CNST: variants seen among roughly 807,000 people sequenced by gnomAD.
The protein encoded by CNST is consortin.
CNST carries 39 observed loss-of-function variants against 72.4 expected under a neutral mutation model. That is an observed-to-expected ratio of 0.54 (90% CI 0.42 to 0.70). CNST has a LOEUF of 0.70. CNST is among the 30% of genes least tolerant of loss of function. The probability of loss-of-function intolerance (pLI) is 0.00; values close to 1 mark genes in which losing one functional copy is unlikely to be tolerated. For synonymous variants in CNST, 332 were observed against 320.1 expected, an observed-to-expected ratio of 1.04 and a Z score of -0.40; for missense variants, 871 against 868.5, an observed-to-expected ratio of 1.00 and a Z score of -0.04.
intron 4 of CNST, among the ~76,000 whole-genome samples, chr1:246,633,632 A>G (rs1167291325): frequency 6.6e-6 from 1 of 151,668 alleles, no homozygotes; most frequent in Non-Finnish European, 1.5e-5. Flanking sequence ...AGTCTCAGCT[A>G]CCTGGGAGGC....
chr1:246,654,796 C>A (rs926416818), intron 9 of CNST, among the ~76,000 whole-genome samples: 5 of 148,914 alleles, frequency 3.4e-5, no homozygotes, highest in African/African-American at 1.2e-4. Context: ...TTGCTAGGTG[C>A]TATCTATATG....
chr1:246,614,061 T>C (rs149631037), intron 2 of CNST, among the ~76,000 whole-genome samples: 159 of 152,148 alleles, frequency 1.0e-3, no homozygotes, highest in African/African-American at 3.7e-3. Context: ...TATGCATCAG[T>C]AACACTACAG....
At chr1:246,645,025 G>A (rs1181853570) in intron 8 of CNST, among the ~76,000 whole-genome samples, 1 of 152,198 alleles carries the variant, frequency 6.6e-6, no homozygotes, top group Non-Finnish European at 1.5e-5. Context: ...GAGAGAGAAG[G>A]AAGGCTGTAT....
intron 1 of CNST, among the ~76,000 whole-genome samples, chr1:246,589,689 T>A (rs1367816106): frequency 6.6e-6 from 1 of 152,234 alleles, no homozygotes; most frequent in African/African-American, 2.4e-5. Flanking sequence ...GGAATTGCCA[T>A]ACTGTCTTCC....
intron 9 of CNST, among the ~76,000 whole-genome samples, chr1:246,659,738 G>A (rs775214928): frequency 6.6e-5 from 10 of 152,126 alleles, no homozygotes; most frequent in Non-Finnish European, 1.3e-4. Context: ...TAAAAGCTTG[G>A]TATCTAAATA....
chr1:246,581,681 C>A (rs1411951367), intron 1 of CNST, among the ~76,000 whole-genome samples: 1 of 152,246 alleles, frequency 6.6e-6, no homozygotes, highest in Non-Finnish European at 1.5e-5. Flanking sequence ...TTTACATTTT[C>A]CATTTCTTAT....
intron 8 of CNST, 31 bp from the exon 9 acceptor site, chr1:246,647,108 T>A (rs1412806353): frequency 6.3e-7 from 1 of 1,577,244 alleles, no homozygotes; most frequent in Admixed American, 1.9e-5. Context: ...TTGTTTTGAA[T>A]TTTTAACAAT....
At chr1:246,580,574 G>A (rs1174355485) in intron 1 of CNST, among the ~76,000 whole-genome samples, 1 of 152,066 alleles carries the variant, frequency 6.6e-6, no homozygotes, top group Non-Finnish European at 1.5e-5. Context: ...AACTTCCACA[G>A]TACTTTGTTC....
intron 3 of CNST, among the ~76,000 whole-genome samples, chr1:246,625,606 G>C (rs1664373306): frequency 6.6e-6 from 1 of 151,452 alleles, no homozygotes; most frequent in African/African-American, 2.4e-5. Context: ...ATTTTTAGTA[G>C]AGACAAGGTT....
chr1:246,647,916 A>G lies in CNST; in HGVS notation c.1715A>G (p.Asp572Gly), dbSNP rs767432925. ...SLSYEDNQDD[D>G]SDLLQDLSPE... ...TCCTATGAAGATAACCAAGACGACG[A>G]CTCCGATCTCCTTCAAGATCTCTCT... Residue 572 changes from aspartate to glycine, a missense_variant, in exon 9 of 11, where the codon GAC becomes GGC. Coordinates refer to ENST00000366513, the MANE Select transcript of CNST (RefSeq NM_152609.3). 1 of 1,613,652 alleles carries G rather than the reference A, an allele frequency of 6.2e-7. No individual in the cohort carries two copies. The highest frequency in any genetic ancestry group is 1.1e-5 in the South Asian group (1 of 91,070).
At position 246,612,358 on chromosome 1, in the gene CNST, C is replaced by T. The variant is rs184708942; in HGVS notation, c.380-9071C>T. The stretch of plus-strand genomic sequence containing the variant: ...CTGGGATTACAGGTGCATGCTACCA[C>T]GCCGAGCTAATTTTTTGTACTTTTA... On this transcript the variant is annotated intron_variant, in intron 2 of 10. Coordinates refer to ENST00000366513, the MANE Select transcript of CNST (RefSeq NM_152609.3). Among the ~76,000 whole-genome samples, 23 of 152,120 alleles carry T rather than the reference C, an allele frequency of 1.5e-4. No homozygotes were observed. The East Asian group carries it at 4.1e-3, about 27-fold the overall frequency.
At chr1:246,604,279 T>C (rs577016628) in intron 2 of CNST, among the ~76,000 whole-genome samples, 30 of 151,922 alleles carry the variant, frequency 2.0e-4, no homozygotes, top group Non-Finnish European at 4.1e-4. Flanking sequence ...AAAAGGGGCT[T>C]GGTGATAGTT....
chr1:246,580,317 A>G (rs1322880850), intron 1 of CNST, among the ~76,000 whole-genome samples: 1 of 152,244 alleles, frequency 6.6e-6, no homozygotes, highest in African/African-American at 2.4e-5. Context: ...ATTTGTGGTC[A>G]GAAATTAAAT....
intron 1 of CNST, among the ~76,000 whole-genome samples, chr1:246,586,552 T>C (rs1661214592): frequency 6.6e-6 from 1 of 151,356 alleles, no homozygotes; most frequent in South Asian, 2.1e-4. Context: ...CTCTTGCATG[T>C]TAGTCCCTCT....
At chr1:246,602,698 AGGAATCACGGGGGCCCATCTTAAAGGAT>A (rs1662372968) in intron 2 of CNST, among the ~76,000 whole-genome samples, 1 of 152,222 alleles carries the variant, frequency 6.6e-6, no homozygotes, top group Admixed American at 6.5e-5. Context: ...ACCAAGAGGC[AGGAATCACGGGGGCCCATCTTAAAGGAT>A]GCCAGGAGAA....
At position 246,642,132 on chromosome 1, in the gene CNST, G is replaced by GTTTTTTTTTTTTTT. The variant is rs1491252940; in HGVS notation, c.937+95_937+96insTTTTTTTTTTTTTT. ...ACATCTGAATTGCTGCAAAGGATCT[G>GTTTTTTTTTTTTTT]GTTTTTTTTTTTTTTTTTTTTTGCA... On this transcript the variant is annotated intron_variant, in intron 8 of 10. Coordinates refer to ENST00000366513, the MANE Select transcript of CNST (RefSeq NM_152609.3). 6.2e-4 allele frequency: 123 copies of GTTTTTTTTTTTTTT among 198,338 alleles called. 19 individuals are homozygous for GTTTTTTTTTTTTTT. The highest frequency in any genetic ancestry group is 6.0e-3 in the African/African-American group (112 of 18,814). 12.3% of individuals were successfully genotyped at this position (198,338 alleles called of 1,614,324 possible). A position where few individuals can be genotyped will look rare whatever the true frequency, so the allele number is the denominator to read the frequency against.
intron 2 of CNST, among the ~76,000 whole-genome samples, chr1:246,592,691 A>G (rs1186230584): frequency 2.6e-5 from 4 of 152,214 alleles, no homozygotes; most frequent in Non-Finnish European, 5.9e-5. Flanking sequence ...ACCTCTTTAT[A>G]GATCTTTCCA....
intron 2 of CNST, among the ~76,000 whole-genome samples, chr1:246,600,578 T>C (rs1662211930): frequency 6.6e-6 from 1 of 152,112 alleles, no homozygotes; most frequent in South Asian, 2.1e-4. Flanking sequence ...ATTAATTAGA[T>C]ATGAAAAAAA....
chr1:246,593,202 T>C (rs1490033502), intron 2 of CNST, among the ~76,000 whole-genome samples: 1 of 152,204 alleles, frequency 6.6e-6, no homozygotes, highest in Admixed American at 6.5e-5. Context: ...TTTGAAAACT[T>C]TTTAATATAA....
Sources: gnomAD v4.1 joint callset for allele counts (sites outside exome capture counted in the v4.1 genomes callset) on GRCh38, gnomAD v4.1.1 for gene constraint, MANE v1.5 for transcripts, NCBI Gene and HGNC (gene_info 2026-07-23, HGNC 2026-07-21) for gene names.